The following UTRN variants were observed in gnomAD, a reference collection of about 807,000 sequenced individuals.
The protein encoded by UTRN is dystrophin-related protein 1.
In UTRN, 283 loss-of-function variants were observed where a neutral mutation model predicts 463.9. The ratio of observed to expected loss-of-function variants is 0.61; its 90% CI spans 0.55 to 0.67. UTRN has a LOEUF of 0.67. Among genes scored for constraint, UTRN ranks in the 30% least tolerant of loss-of-function variants. UTRN has a pLI of 0.00. For synonymous variants in UTRN, 1,442 were observed against 1,431.5 expected (o/e 1.01, Z -0.17); for missense variants, 3,922 against 4,084.3 (o/e 0.96, Z 1.08).
intron 51 of UTRN, among the ~76,000 whole-genome samples, chr6:144,617,277 A>G (rs1485354477): frequency 1.3e-5 from 2 of 152,202 alleles, no homozygotes; most frequent in Non-Finnish European, 2.9e-5. Flanking sequence ...TACAAATGAT[A>G]TGTTTAGAAA....
intron 62 of UTRN, among the ~76,000 whole-genome samples, chr6:144,790,659 T>G (rs1007383808): frequency 1.4e-4 from 21 of 152,232 alleles, no homozygotes; most frequent in Non-Finnish European, 2.6e-4. Flanking sequence ...TGGCACTTTA[T>G]CCAGAATTGA....
At chr6:144,407,121 C>G (rs1481720863) in intron 3 of UTRN, among the ~76,000 whole-genome samples, 3 of 152,144 alleles carry the variant, frequency 2.0e-5, no homozygotes, top group African/African-American at 7.2e-5. Context: ...ATTTGAAGCA[C>G]TTACCATACT....
intron 51 of UTRN, among the ~76,000 whole-genome samples, chr6:144,601,198 C>T (rs1055725523): frequency 4.6e-5 from 7 of 152,064 alleles, no homozygotes; most frequent in East Asian, 3.8e-4. Context: ...GCCCATGGAT[C>T]GAGATGATAT....
At chr6:144,580,311 G>C (rs975867258) in intron 51 of UTRN, among the ~76,000 whole-genome samples, 1 of 152,156 alleles carries the variant, frequency 6.6e-6, no homozygotes, top group Non-Finnish European at 1.5e-5. Flanking sequence ...GCATGCACAG[G>C]ATGTGTATGT....
At chr6:144,314,087 A>G (rs1454548603) in intron 2 of UTRN, among the ~76,000 whole-genome samples, 4 of 152,104 alleles carry the variant, frequency 2.6e-5, no homozygotes, top group African/African-American at 9.7e-5. Context: ...TATTTAGCTT[A>G]ATGTTTTCAA....
intron 51 of UTRN, among the ~76,000 whole-genome samples, chr6:144,622,200 T>TTA (rs1775484994): frequency 7.0e-6 from 1 of 142,422 alleles, no homozygotes; most frequent in Admixed American, 7.1e-5. Flanking sequence ...TTTTTTTTTT[T>TTA]TTTTTGGAGA....
At chr6:144,834,562 A>G (rs1780947120) in intron 69 of UTRN, among the ~76,000 whole-genome samples, 1 of 152,184 alleles carries the variant, frequency 6.6e-6, no homozygotes, top group African/African-American at 2.4e-5. Context: ...AAACTGCAGT[A>G]ACACCAAGAT....
Position 144,710,191 on chromosome 6 carries a change from C to T in UTRN, c.7809+9948C>T, listed in dbSNP as rs1309912075. On this transcript the variant is annotated intron_variant, in intron 53 of 74. Transcript: ENST00000367545. ...CTTAGAATAGGGATATAAAGCAATG[C>T]TTTAAAGCATCTCCTATGTTCAAAC... 2.6e-5 allele frequency among the ~76,000 whole-genome samples: 4 copies of T among 152,172 alleles called. No homozygotes were observed. The East Asian group carries it at 7.7e-4, about 29-fold the overall frequency.
At chr6:144,385,609 G>C (rs1166562579) in intron 2 of UTRN, among the ~76,000 whole-genome samples, 1 of 152,058 alleles carries the variant, frequency 6.6e-6, no homozygotes, top group Non-Finnish European at 1.5e-5. Flanking sequence ...AGTACCCAGT[G>C]ATAGTATAGA....
intron 2 of UTRN, among the ~76,000 whole-genome samples, chr6:144,317,688 C>T (rs567108700): frequency 3.5e-4 from 53 of 152,324 alleles, no homozygotes; most frequent in Admixed American, 2.7e-3. Context: ...TGAGCCACCG[C>T]GCCCAGCCCC....
At chr6:144,655,437 G>A (rs1779226268) in intron 51 of UTRN, among the ~76,000 whole-genome samples, 1 of 152,218 alleles carries the variant, frequency 6.6e-6, no homozygotes, top group South Asian at 2.1e-4. Context: ...AAGGAGAATT[G>A]TGTATATTTC....
chr6:144,577,336 T>C, intron 51 of UTRN, 48 bp downstream of exon 51: 1 of 1,581,960 alleles, frequency 6.3e-7, no homozygotes, highest in Non-Finnish European at 8.6e-7. Flanking sequence ...CCCTGTGTGC[T>C]TTTGATCCCT....
At chr6:144,727,224 C>G (rs1787968320) in intron 53 of UTRN, among the ~76,000 whole-genome samples, 2 of 152,176 alleles carry the variant, frequency 1.3e-5, no homozygotes, top group Admixed American at 1.3e-4. Flanking sequence ...TATGTCCCGT[C>G]TTCTCTCAGT....
At chr6:144,794,458 A>G (rs1474458500) in intron 63 of UTRN, among the ~76,000 whole-genome samples, 1 of 152,038 alleles carries the variant, frequency 6.6e-6, no homozygotes, top group African/African-American at 2.4e-5. Flanking sequence ...TCCTCTGAAA[A>G]TCTTTCTCTG....
chr6:144,812,792 G>A (rs1488554310), intron 65 of UTRN, among the ~76,000 whole-genome samples: 1 of 152,124 alleles, frequency 6.6e-6, no homozygotes, highest in African/African-American at 2.4e-5. Context: ...ATGTATCACA[G>A]GGTACATTTT....
intron 3 of UTRN, among the ~76,000 whole-genome samples, chr6:144,418,015 A>G (rs1397264426): frequency 2.6e-5 from 4 of 152,038 alleles, no homozygotes; most frequent in African/African-American, 9.7e-5. Context: ...GCCAATAGAA[A>G]ACACTAAAGT....
intron 53 of UTRN, among the ~76,000 whole-genome samples, chr6:144,725,117 G>A (rs963513971): frequency 7.9e-5 from 12 of 152,182 alleles, no homozygotes; most frequent in Admixed American, 3.3e-4. Context: ...CCAGTGGGAG[G>A]TAATTAAATC....
intron 2 of UTRN, among the ~76,000 whole-genome samples, chr6:144,397,134 C>T (rs1782509000): frequency 6.6e-6 from 1 of 152,064 alleles, no homozygotes; most frequent in Admixed American, 6.5e-5. Flanking sequence ...ATCCTAGCTA[C>T]TTGGGAGGCT....
At chr6:144,543,966 T>A (rs1193960398) in intron 46 of UTRN, among the ~76,000 whole-genome samples, 1 of 152,220 alleles carries the variant, frequency 6.6e-6, no homozygotes, top group Admixed American at 6.5e-5. Context: ...TGGGTACTGC[T>A]GCTTTGCAAA....
Sources: allele counts gnomAD v4.1 joint callset (sites outside exome capture counted in the v4.1 genomes callset), GRCh38; gene constraint gnomAD v4.1.1; transcripts MANE v1.5; gene names NCBI Gene and HGNC (gene_info 2026-07-23, HGNC 2026-07-21).